Variants in PRKACB observed in about 807,000 individuals in gnomAD.
PRKACB encodes the protein cAMP-dependent protein kinase catalytic subunit beta.
Under a neutral mutation model 51.4 loss-of-function variants are expected in PRKACB, and 16 were observed. The observed-to-expected ratio is 0.31, with a 90% CI of 0.21 to 0.47. The LOEUF (loss-of-function observed/expected upper bound fraction) is 0.47. Ranked by LOEUF, PRKACB falls within the 20% of genes least tolerant of loss-of-function variation. The pLI, the probability that PRKACB is intolerant of heterozygous loss-of-function variation, is 1.00. For synonymous variants in PRKACB, 147 were observed against 154.4 expected (o/e 0.95, Z 0.35); for missense variants, 309 against 464.5 (o/e 0.67, Z 3.08).
chr1:84,153,111 TGGGGGACTA>T (rs1655037334), intron 1 of PRKACB, among the ~76,000 whole-genome samples: 1 of 151,858 alleles, frequency 6.6e-6, no homozygotes. Context: ...GGGAGAGAAA[TGGGGGACTA>T]GCTGGTGAGT....
At chr1:84,150,189 A>G (rs1654663463) in intron 1 of PRKACB, among the ~76,000 whole-genome samples, 1 of 152,096 alleles carries the variant, frequency 6.6e-6, no homozygotes, top group Admixed American at 6.6e-5. Flanking sequence ...GAGGCAGGAG[A>G]ATCACTAGAC....
chr1:84,165,717 T>C (rs1315096988), intron 1 of PRKACB, among the ~76,000 whole-genome samples: 3 of 151,832 alleles, frequency 2.0e-5, no homozygotes, highest in Non-Finnish European at 4.4e-5. Flanking sequence ...TACTGCAGTT[T>C]ATCATAGGGT....
chr1:84,097,621 T>C (rs1239392479), intron 1 of PRKACB, among the ~76,000 whole-genome samples: 2 of 151,922 alleles, frequency 1.3e-5, no homozygotes, highest in Admixed American at 6.6e-5. Context: ...TATAATCAAG[T>C]TGGGGAACCA....
At chr1:84,165,555 G>C (rs1170854666) in intron 1 of PRKACB, among the ~76,000 whole-genome samples, 1 of 151,716 alleles carries the variant, frequency 6.6e-6, no homozygotes, top group African/African-American at 2.4e-5. Context: ...TGGTTTTGTA[G>C]GGTTTGTTAA....
intron 1 of PRKACB, among the ~76,000 whole-genome samples, chr1:84,168,482 A>G (rs1443312296): frequency 6.6e-6 from 1 of 151,534 alleles, no homozygotes; most frequent in Non-Finnish European, 1.5e-5. Context: ...TCTCTGAAGA[A>G]GAAGGCATGA....
chr1:84,165,721 A>C (rs1437347109), intron 1 of PRKACB, among the ~76,000 whole-genome samples: 3 of 151,776 alleles, frequency 2.0e-5, no homozygotes, highest in Admixed American at 2.0e-4. Flanking sequence ...GCAGTTTATC[A>C]TAGGGTAAAA....
intron 9 of PRKACB, 81 bp from the exon 10 acceptor site, chr1:84,235,099 G>A (rs1394916239): frequency 1.4e-6 from 2 of 1,431,052 alleles, no homozygotes; most frequent in Non-Finnish European, 1.9e-6. Context: ...ATAACAGTGG[G>A]AATTTATTTT....
intron 1 of PRKACB, among the ~76,000 whole-genome samples, chr1:84,132,064 C>T (rs1359482172): frequency 4.6e-5 from 7 of 152,180 alleles, no homozygotes. Flanking sequence ...CACTTCAGCT[C>T]ACTCTAGCCT....
At chr1:84,157,355 A>T (rs1028377539) in intron 1 of PRKACB, 1 of 152,102 alleles carries the variant, frequency 6.6e-6, no homozygotes, top group African/African-American at 2.4e-5. Flanking sequence ...TTTCAAGCCA[A>T]CTGTTTCCTC....
intron 1 of PRKACB, among the ~76,000 whole-genome samples, chr1:84,135,477 A>G (rs1557997745): frequency 6.6e-6 from 1 of 152,048 alleles, no homozygotes; most frequent in Admixed American, 6.6e-5. Context: ...CAAAATATAC[A>G]TTTTTTTCTT....
intron 5 of PRKACB, among the ~76,000 whole-genome samples, chr1:84,196,141 G>A (rs921722372): frequency 6.6e-6 from 1 of 152,002 alleles, no homozygotes; most frequent in East Asian, 1.9e-4. Context: ...TTACAAAATG[G>A]GTAAAATGGC....
chr1:84,140,399 C>G (rs1468891825), upstream of PRKACB, among the ~76,000 whole-genome samples: 1 of 152,124 alleles, frequency 6.6e-6, no homozygotes, highest in African/African-American at 2.4e-5. Context: ...GAAAATGTTG[C>G]ATAGTCTATA....
chr1:84,118,548 A>G (rs1324433629), intron 1 of PRKACB, among the ~76,000 whole-genome samples: 1 of 152,150 alleles, frequency 6.6e-6, no homozygotes, highest in African/African-American at 2.4e-5. Context: ...AAAAGAAAAA[A>G]TCTAAGAAAC....
chr1:84,157,776 A>G (rs1655687928), intron 1 of PRKACB, among the ~76,000 whole-genome samples: 4 of 152,186 alleles, frequency 2.6e-5, no homozygotes, highest in Admixed American at 2.6e-4. Flanking sequence ...TATGGATATA[A>G]TACATTTTGT....
intron 9 of PRKACB, among the ~76,000 whole-genome samples, chr1:84,224,652 C>T (rs1446211272): frequency 6.6e-6 from 1 of 152,112 alleles, no homozygotes; most frequent in Non-Finnish European, 1.5e-5. Context: ...TACTCAGGCC[C>T]CTCAATGGTG....
rs1676808380 is a variant in PRKACB, at chr1:84,238,062, T to G, written c.*2757T>G. The G allele has an allele frequency of 1.3e-5, 2 of 152,180 alleles. No individual in the cohort carries two copies. The highest frequency in any genetic ancestry group is 4.1e-4 in the South Asian group (2 of 4,830). 9.4% of individuals were successfully genotyped at this position (152,180 alleles called of 1,614,324 possible). A position where few individuals can be genotyped will look rare whatever the true frequency, so the allele number is the denominator to read the frequency against. On this transcript the variant is annotated 3_prime_UTR_variant, in exon 10 of 10. Transcript: ENST00000370685. The stretch of plus-strand genomic sequence containing the variant: ...ATCTCTGACAGTGTTCTTAAAATTA[T>G]TTGAATATCATAAGAGCCTTGGTGT...
At chr1:84,201,332 A>G (rs61263021) in intron 7 of PRKACB, among the ~76,000 whole-genome samples, 2,039 of 151,794 alleles carry the variant, frequency 0.013, 57 homozygotes, top group African/African-American at 0.045. Flanking sequence ...GTATTTCTTT[A>G]TGTGTCTGTA....
At chr1:84,107,174 G>T (rs922671783) in intron 1 of PRKACB, among the ~76,000 whole-genome samples, 1 of 151,914 alleles carries the variant, frequency 6.6e-6, no homozygotes, top group African/African-American at 2.4e-5. Context: ...ATATAAAATG[G>T]ATATATGTGT....
intron 1 of PRKACB, among the ~76,000 whole-genome samples, chr1:84,161,051 T>C (rs1656121656): frequency 6.6e-6 from 1 of 151,904 alleles, no homozygotes; most frequent in South Asian, 2.1e-4. Flanking sequence ...TTCCATCAAT[T>C]ATTGAGAGAG....
Sources: allele counts gnomAD v4.1 joint callset (sites outside exome capture counted in the v4.1 genomes callset), GRCh38; gene constraint gnomAD v4.1.1; transcripts MANE v1.5; gene names NCBI Gene and HGNC (gene_info 2026-07-23, HGNC 2026-07-21).